NEIL1: variants seen among roughly 807,000 people sequenced by gnomAD.
NEIL1 encodes the protein endonuclease 8-like 1.
A neutral mutation model predicts 44.2 loss-of-function variants in NEIL1; 31 were observed. The ratio of observed to expected loss-of-function variants is 0.70; its 90% CI spans 0.53 to 0.95. NEIL1 has a LOEUF of 0.95. Among genes scored for constraint, NEIL1 ranks in the 40% least tolerant of loss-of-function variants. NEIL1 has a pLI of 0.00. For missense variants in NEIL1, 549 were observed against 515.5 expected (o/e 1.07, Z -0.63); for synonymous variants, 254 against 209.7 (o/e 1.21, Z -1.83).
intron 3 of NEIL1, 35 bp downstream of exon 3, chr15:75,352,265 G>A (rs1258893924): frequency 6.2e-7 from 1 of 1,614,196 alleles, no homozygotes; most frequent in Non-Finnish European, 8.5e-7. Flanking sequence ...GGACTGCGGT[G>A]GGCCAGGTGT....
At position 75,356,353 on chromosome 15, in the gene NEIL1, C is replaced by T; in HGVS notation, c.*1319C>T. The stretch of plus-strand genomic sequence containing the variant: ...GGGTGAAGACACGGAAAACGCACTC[C>T]AGGAGGTGGCGGGCGCTGGGCTGGG... On this transcript the variant is annotated 3_prime_UTR_variant, in exon 10 of 10. Coordinates refer to ENST00000355059, the MANE Select transcript of NEIL1 (RefSeq NM_024608.4). The surrounding 1 kb of genome is among the most constrained non-coding windows in gnomAD (Gnocchi z 5.8). 6.2e-7 allele frequency: 1 copy of T among 1,612,394 alleles called. No homozygotes were observed. The highest frequency in any genetic ancestry group is 8.5e-7 in the Non-Finnish European group (1 of 1,179,460).
At chr15:75,353,514 T>C in intron 5 of NEIL1, 1 of 654,170 alleles carries the variant, frequency 1.5e-6, no homozygotes, top group Non-Finnish European at 2.9e-6. Context: ...GTGTGGCCAC[T>C]GCACAGGGCC....
chr15:75,356,691 G>T lies in NEIL1; in HGVS notation c.*1657G>T. 1 of 1,602,164 alleles carries T rather than the reference G, an allele frequency of 6.2e-7. No individual in the cohort carries two copies. The highest frequency in any genetic ancestry group is 8.5e-7 in the Non-Finnish European group (1 of 1,174,850). On this transcript the variant is annotated 3_prime_UTR_variant, in exon 10 of 10. Coordinates refer to ENST00000355059, the MANE Select transcript of NEIL1 (RefSeq NM_024608.4). This position sits in a 1 kb window ranked among gnomAD's most constrained non-coding sequence, Gnocchi z 5.8. The stretch of plus-strand genomic sequence containing the variant: ...GGGCTTTAGGCGCCCGCAAGCTGGG[G>T]TGAGGAGGGCGCGTAGGGGCCACGC...
At chr15:75,348,653 A>T in intron 1 of NEIL1, 3 of 1,398,774 alleles carry the variant, frequency 2.1e-6, no homozygotes, top group Non-Finnish European at 2.8e-6. Flanking sequence ...AGCGGTTAGC[A>T]GCAAGGCAGA....
At chr15:75,353,615 A>T (rs762119687) in intron 5 of NEIL1, 124 bp from the exon 6 acceptor site, 38 of 1,002,122 alleles carry the variant, frequency 3.8e-5, no homozygotes, top group South Asian at 7.7e-5. Context: ...GAGGAGGGAG[A>T]GTGTGGCCCC....
At position 75,348,108 on chromosome 15, in the gene NEIL1, G is replaced by C. The variant is rs2071584448; in HGVS notation, c.-23+635G>C. ...TCCCCCAGGCCCGGGGCAGGAGCTC[G>C]GGGAGCCCTTCCTGGTGCCCGCCGT... On this transcript the variant is annotated intron_variant, in intron 1 of 9. Transcript: ENST00000355059. 3 of 887,102 alleles carry C rather than the reference G, an allele frequency of 3.4e-6. No individual in the cohort carries two copies. In the South Asian group the frequency reaches 7.2e-5, roughly 21 times the overall value. 55.0% of individuals were successfully genotyped at this position (887,102 alleles called of 1,614,324 possible). A position where few individuals can be genotyped will look rare whatever the true frequency, so the allele number is the denominator to read the frequency against.
Position 75,356,760 on chromosome 15 carries a change from C to A in NEIL1, c.*1726C>A. On this transcript the variant is annotated 3_prime_UTR_variant, in exon 10 of 10. Coordinates refer to ENST00000355059, the MANE Select transcript of NEIL1 (RefSeq NM_024608.4). This position sits in a 1 kb window ranked among gnomAD's most constrained non-coding sequence, Gnocchi z 5.8. ...GGTCGGGAAGACCCATTTCTCCATG[C>A]CAGCTCCCAGGCCTGGTGGGTACCC... is the stretch of plus-strand genomic sequence containing the variant. The A allele has an allele frequency of 1.2e-6, 2 of 1,613,132 alleles. No homozygotes were observed.
chr15:75,355,158 A>C lies in NEIL1; in HGVS notation c.*124A>C. ...CAGGCCCTACGGCTGTTCCCTGCAC[A>C]ACTCTCATGGTTTTAATTGTACCCC... On this transcript the variant is annotated 3_prime_UTR_variant, in exon 10 of 10. Coordinates refer to ENST00000355059, the MANE Select transcript of NEIL1 (RefSeq NM_024608.4). The C allele has an allele frequency of 1.4e-6, 1 of 720,858 alleles. No homozygotes were observed. Among genetic ancestry groups the C allele is most frequent in the Non-Finnish European group, 2.3e-6 (1 of 430,740 alleles). 44.7% of individuals were successfully genotyped at this position (720,858 alleles called of 1,614,324 possible).
Position 75,352,098 on chromosome 15 carries a change from C to T in NEIL1, c.435-13C>T, listed in dbSNP as rs199959728. On this transcript the variant is annotated splice_polypyrimidine_tract_variant and intron_variant, in intron 2 of 9. Coordinates refer to ENST00000355059, the MANE Select transcript of NEIL1 (RefSeq NM_024608.4). ...GGGGATGGGTCTTACGCACCCAGAC[C>T]GTGTTCCTCCAGGGAGAATGTGCTA... is the stretch of plus-strand genomic sequence containing the variant. The T allele has an allele frequency of 8.7e-6, 14 of 1,613,968 alleles. No homozygotes were observed. Among genetic ancestry groups the T allele is most frequent in the Middle Eastern group, 1.6e-4 (1 of 6,062 alleles).
chr15:75,356,702 G>A lies in NEIL1; in HGVS notation c.*1668G>A, dbSNP rs1370675709. 17 of 1,607,260 alleles carry A rather than the reference G, an allele frequency of 1.1e-5. No individual in the cohort carries two copies. The highest frequency in any genetic ancestry group is 3.3e-5 in the South Asian group (3 of 90,332). On this transcript the variant is annotated 3_prime_UTR_variant, in exon 10 of 10. Transcript: ENST00000355059. The surrounding 1 kb of genome is among the most constrained non-coding windows in gnomAD (Gnocchi z 5.8). ...GCCCGCAAGCTGGGGTGAGGAGGGC[G>A]CGTAGGGGCCACGCTGAAGCTGTTG...
chr15:75,352,585 CCCTGCCCCTTCCTCAGAGCCCGGA>C lies in NEIL1; in HGVS notation c.619-16_626del. ...GGCCCTGCTGACAGACAGGTCCTGC[CCCTGCCCCTTCCTCAGAGCCCGGA>C]GCTGACCCTGAGCCAGAAGATAAGG... On this transcript the variant is annotated splice_acceptor_variant and splice_polypyrimidine_tract_variant and coding_sequence_variant and intron_variant, in exon 5 of 10. Coordinates refer to ENST00000355059, the MANE Select transcript of NEIL1 (RefSeq NM_024608.4). LOFTEE classifies it high-confidence loss of function. The C allele has an allele frequency of 1.2e-6, 2 of 1,608,334 alleles. No individual in the cohort carries two copies. Among genetic ancestry groups the C allele is most frequent in the Non-Finnish European group, 1.7e-6 (2 of 1,176,372 alleles).
intron 1 of NEIL1, chr15:75,348,174 G>A: frequency 2.9e-6 from 2 of 700,232 alleles, no homozygotes; most frequent in Non-Finnish European, 3.6e-6. Context: ...GCGCATGGCG[G>A]CAGCCCGCCC....
Position 75,354,291 on chromosome 15 carries a change from A to G in NEIL1, c.874+14A>G. On this transcript the variant is annotated intron_variant, in intron 7 of 9. Coordinates refer to ENST00000355059, the MANE Select transcript of NEIL1 (RefSeq NM_024608.4). ...TGGCACCCAAAGGTAAGCTACTCCT[A>G]ATGTAATAGGCTAAGAGAGCAGAAA... The G allele has an allele frequency of 6.2e-7, 1 of 1,614,052 alleles. No individual in the cohort carries two copies. The highest frequency in any genetic ancestry group is 8.5e-7 in the Non-Finnish European group (1 of 1,179,916).
intron 2 of NEIL1, chr15:75,351,442 T>G (rs2071885467): frequency 2.8e-6 from 1 of 355,370 alleles, no homozygotes; most frequent in Non-Finnish European, 5.5e-6. Flanking sequence ...AGCCCCTGGC[T>G]ACTTCTTAAA....
Position 75,353,802 on chromosome 15 carries a change from G to C in NEIL1, c.782G>C (p.Arg261Pro). ...EDFAAFRAWL[R>P]CYGMPGMSSL... ...TTTGCTGCCTTTCGAGCCTGGCTGC[G>C]CTGCTATGGCATGCCAGGCATGAGC... Residue 261 changes from arginine (R) to proline (P), a missense_variant, in exon 6 of 10, where the codon CGC becomes CCC. By Grantham distance (103) the Arg-to-Pro change is moderately radical (BLOSUM62 -2). Coordinates refer to ENST00000355059, the MANE Select transcript of NEIL1 (RefSeq NM_024608.4). 6.2e-7 allele frequency: 1 copy of C among 1,613,864 alleles called. No homozygotes were observed. Among genetic ancestry groups the C allele is most frequent in the Non-Finnish European group, 8.5e-7 (1 of 1,179,930 alleles).
intron 1 of NEIL1, 115 bp from the exon 2 acceptor site, chr15:75,348,769 C>A: frequency 6.8e-7 from 1 of 1,465,002 alleles, no homozygotes; most frequent in Non-Finnish European, 9.0e-7. Flanking sequence ...TCCTGCCAGC[C>A]GCAGCTGGCC....
Position 75,349,185 on chromosome 15 carries a change from C to T in NEIL1, c.280C>T (p.Pro94Ser). Residue 94 changes from proline (P) to serine (S), a missense_variant, in exon 2 of 10, where the codon CCA becomes TCA. Physicochemically the swap from Pro to Ser is moderately conservative, Grantham distance 74 (BLOSUM62 -1). Coordinates refer to ENST00000355059, the MANE Select transcript of NEIL1 (RefSeq NM_024608.4). ...SFQLVPREEL[P>S]RHAHLRFYTA... Reference sequence around the variant, plus strand: ...TCAGCTGGTGCCCCGCGAGGAGCTGCCACGCCATGCCCACCTGCGCTTTTA... The same window carrying T: ...TCAGCTGGTGCCCCGCGAGGAGCTGTCACGCCATGCCCACCTGCGCTTTTA... The T allele has an allele frequency of 1.2e-6, 2 of 1,608,982 alleles. No homozygotes were observed. Among genetic ancestry groups the T allele is most frequent in the Non-Finnish European group, 1.7e-6 (2 of 1,179,896 alleles).
In NEIL1 at chr15:75,354,995, C is replaced by T; in HGVS notation, c.1134C>T (p.Asp378=). 1 of 1,614,098 alleles carries T rather than the reference C, an allele frequency of 6.2e-7. No homozygotes were observed. Among genetic ancestry groups the T allele is most frequent in the African/African-American group, 1.3e-5 (1 of 75,058 alleles). The change falls in exon 10 of 10, where the codon GAC becomes GAT. Residue 378 remains aspartate, a synonymous_variant. Transcript: ENST00000355059. ...GCAGACCCCGGAAGGTCAAGGCTGA[C>T]ATCCCATCCTTGGAACCAGAGGGGA... The part of the protein sequence containing the change: ...GHCRPRKVKA[D]IPSLEPEGTS...
rs1420154776 is a variant in NEIL1 at position 75,353,810 on chromosome 15, G to A, written c.790G>A (p.Gly264Ser). The A allele has an allele frequency of 2.5e-6, 4 of 1,613,878 alleles. No individual in the cohort carries two copies. In the South Asian group the frequency reaches 3.3e-5, roughly 13 times the overall value. Residue 264 changes from glycine to serine, a missense_variant, in exon 6 of 10, where the codon GGC (glycine) becomes AGC (serine). Gly to Ser is a moderately conservative substitution (Grantham distance 56, BLOSUM62 0). Coordinates refer to ENST00000355059, the MANE Select transcript of NEIL1 (RefSeq NM_024608.4). The part of the protein sequence containing the change: ...AAFRAWLRCY[G>S]MPGMSSLQDR... The stretch of plus-strand genomic sequence containing the variant: ...CTTTCGAGCCTGGCTGCGCTGCTAT[G>A]GCATGCCAGGCATGAGCTCCCTGCA...
Sources: allele counts gnomAD v4.1 joint callset, GRCh38; gene constraint gnomAD v4.1.1; non-coding constraint Gnocchi (gnomAD v3.1); transcripts MANE v1.5; gene names NCBI Gene and HGNC (gene_info 2026-07-23, HGNC 2026-07-21).